The following DNAJC11 variants were observed in gnomAD, a reference collection of about 807,000 sequenced individuals.
The protein encoded by DNAJC11 is DnaJ heat shock protein family (Hsp40) member C11.
DNAJC11 carries 15 observed loss-of-function variants against 78.6 expected under a neutral mutation model. The observed-to-expected ratio is 0.19, with a 90% CI of 0.13 to 0.29. The LOEUF (loss-of-function observed/expected upper bound fraction) is 0.29, where lower values mean the gene tolerates loss of function less well. Among genes scored for constraint, DNAJC11 ranks in the 10% least tolerant of loss-of-function variants. The pLI, the probability that DNAJC11 is intolerant of heterozygous loss-of-function variation, is 1.00. For missense variants in DNAJC11, 547 were observed against 709.6 expected (o/e 0.77, Z 2.60); for synonymous variants, 292 against 272.1 (o/e 1.07, Z -0.72).
chr1:6,690,886 C>T lies in DNAJC11; in HGVS notation c.73-9849G>A, dbSNP rs183298334. ...AATTCTATCACATCTTTGTTGAGGACAGAGGTCAGGCTGACCTACACTGAT... is the reference window on the plus strand; with the variant it reads ...AATTCTATCACATCTTTGTTGAGGATAGAGGTCAGGCTGACCTACACTGAT... On this transcript the variant is annotated intron_variant, in intron 1 of 15. Coordinates refer to ENST00000377577, the MANE Select transcript of DNAJC11 (RefSeq NM_018198.4). Among the ~76,000 whole-genome samples the T allele has an allele frequency of 2.9e-3, 440 of 152,300 alleles. 5 individuals are homozygous for T. Among genetic ancestry groups the T allele is most frequent in the Non-Finnish European group, 7.3e-4 (50 of 68,042 alleles).
rs529345437 is a variant in DNAJC11 at position 6,660,290 on chromosome 1, G to A, written c.379-6251C>T. ...TCCTGCCTTAGCCTCCCAAATAGCT[G>A]TGACTACAGGAGCACGTCACCAAGC... On this transcript the variant is annotated intron_variant, in intron 4 of 15. Transcript: ENST00000377577. Among the ~76,000 whole-genome samples, 13 of 151,458 alleles carry A rather than the reference G, an allele frequency of 8.6e-5. No homozygotes were observed. In the East Asian group the frequency reaches 2.4e-3, roughly 28 times the overall value.
intron 1 of DNAJC11, among the ~76,000 whole-genome samples, chr1:6,684,686 A>C (rs951414730): frequency 2.0e-5 from 3 of 152,200 alleles, no homozygotes; most frequent in African/African-American, 7.2e-5. Flanking sequence ...CACTGGTTCG[A>C]TATTTCATAA....
At chr1:6,694,351 CTTCT>C (rs1416033863) in intron 1 of DNAJC11, among the ~76,000 whole-genome samples, 6 of 152,128 alleles carry the variant, frequency 3.9e-5, no homozygotes, top group Non-Finnish European at 1.5e-5. Flanking sequence ...GCCACTTTTA[CTTCT>C]TTCTGCCCAG....
At chr1:6,686,939 T>C (rs1366697804) in intron 1 of DNAJC11, among the ~76,000 whole-genome samples, 1 of 152,234 alleles carries the variant, frequency 6.6e-6, no homozygotes, top group African/African-American at 2.4e-5. Context: ...ACAAACTATA[T>C]TCTACTGGAT....
At chr1:6,640,358 T>C (rs942850504) in intron 10 of DNAJC11, among the ~76,000 whole-genome samples, 25 of 152,200 alleles carry the variant, frequency 1.6e-4, no homozygotes, top group Admixed American at 1.6e-3. Flanking sequence ...AGTCATAGGC[T>C]GGAGAGGACA....
At position 6,634,683 on chromosome 1, in the gene DNAJC11, G is replaced by C; in HGVS notation, c.*992C>G. 1 of 1,366,220 alleles carries C rather than the reference G, an allele frequency of 7.3e-7. No homozygotes were observed. Among genetic ancestry groups the C allele is most frequent in the Non-Finnish European group, 9.8e-7 (1 of 1,021,740 alleles). The allele number at this position is 1,366,220 out of a possible 1,614,324, so 84.6% of individuals were successfully genotyped here. The stretch of plus-strand genomic sequence containing the variant: ...AGCTCCGCTGCATTCTGCATCCCAA[G>C]TGGGCACGTGGAGGAAGGGTCTGAA... On this transcript the variant is annotated 3_prime_UTR_variant, in exon 16 of 16. Transcript: ENST00000377577.
intron 4 of DNAJC11, among the ~76,000 whole-genome samples, chr1:6,657,835 C>T (rs1185133026): frequency 7.2e-5 from 11 of 152,102 alleles, no homozygotes; most frequent in South Asian, 2.1e-4. Context: ...TTAGTAGAGA[C>T]GGGGTTTCAC....
chr1:6,638,466 T>C (rs1277071445), intron 11 of DNAJC11, 102 bp from the exon 12 acceptor site: 3 of 1,066,118 alleles, frequency 2.8e-6, no homozygotes, highest in African/African-American at 1.6e-5. Flanking sequence ...AAACAGTCTG[T>C]GATCTTACTG....
Position 6,645,637 on chromosome 1 carries a change from A to G in DNAJC11, c.894+152T>C, listed in dbSNP as rs1641952560. ...CTCGAAGGTTCCACCAGGTCACTCG[A>G]GTGTGAGCACCGAGAGCCTGCCCCT... On this transcript the variant is annotated intron_variant, in intron 8 of 15. Coordinates refer to ENST00000377577, the MANE Select transcript of DNAJC11 (RefSeq NM_018198.4). The surrounding 1 kb of genome is among the most constrained non-coding windows in gnomAD (Gnocchi z 4.1). The G allele has an allele frequency of 2.3e-6, 2 of 856,564 alleles. No individual in the cohort carries two copies. The highest frequency in any genetic ancestry group is 2.6e-5 in the Admixed American group (1 of 38,744). The allele number at this position is 856,564 out of a possible 1,614,324, so 53.1% of individuals were successfully genotyped here.
At chr1:6,685,569 G>A (rs1302110319) in intron 1 of DNAJC11, among the ~76,000 whole-genome samples, 1 of 152,066 alleles carries the variant, frequency 6.6e-6, no homozygotes, top group East Asian at 1.9e-4. Flanking sequence ...CAATCAATCC[G>A]AGCTCCTCTG....
intron 4 of DNAJC11, among the ~76,000 whole-genome samples, chr1:6,655,593 G>C (rs1052477066): frequency 6.6e-6 from 1 of 151,982 alleles, no homozygotes; most frequent in East Asian, 1.9e-4. Flanking sequence ...GAGGCTGAGG[G>C]AGTGGGATCA....
At chr1:6,693,162 C>T in intron 1 of DNAJC11, among the ~76,000 whole-genome samples, 1 of 152,104 alleles carries the variant, frequency 6.6e-6, no homozygotes, top group East Asian at 1.9e-4. Context: ...ATCTGCCCGC[C>T]TCCGCCTCCC....
At chr1:6,640,737 G>A (rs922131655) in intron 10 of DNAJC11, among the ~76,000 whole-genome samples, 4 of 151,980 alleles carry the variant, frequency 2.6e-5, no homozygotes, top group South Asian at 2.1e-4. Flanking sequence ...GAGGCTGAGT[G>A]AGGCGGGAGA....
rs1192964451 is a variant in DNAJC11, at chr1:6,635,530, C to T, written c.*145G>A. On this transcript the variant is annotated 3_prime_UTR_variant, in exon 16 of 16. Coordinates refer to ENST00000377577, the MANE Select transcript of DNAJC11 (RefSeq NM_018198.4). ...TCAAAAGCTGGGGTGTCTGCATGTCCCTTCACATAATTGATAATGGTACCA... is the reference window on the plus strand; with the variant it reads ...TCAAAAGCTGGGGTGTCTGCATGTCTCTTCACATAATTGATAATGGTACCA... 2.2e-6 allele frequency: 2 copies of T among 898,918 alleles called. No homozygotes were observed. The highest frequency in any genetic ancestry group is 3.4e-6 in the Non-Finnish European group (2 of 591,480). The allele number at this position is 898,918 out of a possible 1,614,324, so 55.7% of individuals were successfully genotyped here.
rs988523521 is a variant in DNAJC11, at chr1:6,649,365, T to A, written c.704+2164A>T. Among the ~76,000 whole-genome samples, 3 of 152,042 alleles carry A rather than the reference T, an allele frequency of 2.0e-5. No individual in the cohort carries two copies. The South Asian group carries it at 6.2e-4, about 32-fold the overall frequency. ...TTTGCATTTTTAGTAGAGACAGAGT[T>A]TCACCGTGTTAGCCAGGATGGTCTC... On this transcript the variant is annotated intron_variant, in intron 7 of 15. Transcript: ENST00000377577.
chr1:6,638,024 C>A, intron 12 of DNAJC11: 1 of 414,464 alleles, frequency 2.4e-6, no homozygotes, highest in Non-Finnish European at 4.3e-6. Context: ...GAAGCCTGCT[C>A]CCTCCTGCTC....
chr1:6,694,834 G>A (rs1642807598), intron 1 of DNAJC11, among the ~76,000 whole-genome samples: 1 of 151,630 alleles, frequency 6.6e-6, no homozygotes, highest in Non-Finnish European at 1.5e-5. Flanking sequence ...AATTATCCAG[G>A]CATGGTGGTG....
Position 6,634,925 on chromosome 1 carries a change from A to C in DNAJC11, c.*750T>G. On this transcript the variant is annotated 3_prime_UTR_variant, in exon 16 of 16. Transcript: ENST00000377577. ...TGGAGGTGGGTGGTGCAGGCGGTGG[A>C]GGGACACAGGCCAGCTCAAGCCCGC... 8.7e-7 allele frequency: 1 copy of C among 1,144,442 alleles called. No individual in the cohort carries two copies. The highest frequency in any genetic ancestry group is 1.1e-6 in the Non-Finnish European group (1 of 901,054). 70.9% of individuals were successfully genotyped at this position (1,144,442 alleles called of 1,614,324 possible). A position where few individuals can be genotyped will look rare whatever the true frequency, so the allele number is the denominator to read the frequency against.
intron 3 of DNAJC11, among the ~76,000 whole-genome samples, chr1:6,671,142 C>T (rs181292447): frequency 1.6e-4 from 25 of 152,348 alleles, no homozygotes; most frequent in Middle Eastern, 3.4e-3. Context: ...TGAATGCAGA[C>T]AGTTCCTCTA....
Sources: allele counts gnomAD v4.1 joint callset (sites outside exome capture counted in the v4.1 genomes callset), GRCh38; gene constraint gnomAD v4.1.1; non-coding constraint Gnocchi (gnomAD v3.1); transcripts MANE v1.5; gene names NCBI Gene and HGNC (gene_info 2026-07-23, HGNC 2026-07-21).